The following SPOCK1 variants were observed in gnomAD, a reference collection of about 807,000 sequenced individuals.
The protein encoded by SPOCK1 is testican-1.
Under a neutral mutation model 55.3 loss-of-function variants are expected in SPOCK1, and 23 were observed. That is an observed-to-expected ratio of 0.42 (90% CI 0.30 to 0.59). The LOEUF is 0.59. Among genes scored for constraint, SPOCK1 ranks in the 20% least tolerant of loss-of-function variants. SPOCK1 has a pLI of 0.22. For synonymous variants in SPOCK1, 226 were observed against 221.0 expected (o/e 1.02, Z -0.20); for missense variants, 499 against 552.5 (o/e 0.90, Z 0.97).
rs765956928 is a variant in SPOCK1 at position 136,985,551 on chromosome 5, A to G, written c.929-349T>C. Among the ~76,000 whole-genome samples, 159 of 152,164 alleles carry G rather than the reference A, an allele frequency of 1.0e-3. 5 individuals carry two copies. Among genetic ancestry groups the G allele is most frequent in the Middle Eastern group, 3.2e-3 (1 of 314 alleles). On this transcript the variant is annotated intron_variant, in intron 8 of 10. Transcript: ENST00000394945. ...ATCAGCCAAGGCTTATTAGTGGGGA[A>G]GTGTTCTGAATCCACAGACGAACTA...
At chr5:137,035,939 A>T (rs748700321) in intron 6 of SPOCK1, among the ~76,000 whole-genome samples, 1 of 152,166 alleles carries the variant, frequency 6.6e-6, no homozygotes, top group African/African-American at 2.4e-5. Flanking sequence ...TTAACCAGGG[A>T]TTGAGGCAGA....
chr5:137,367,677 C>T (rs1751104333), intron 2 of SPOCK1, among the ~76,000 whole-genome samples: 1 of 152,198 alleles, frequency 6.6e-6, no homozygotes, highest in Admixed American at 6.5e-5. Flanking sequence ...TTAATGCTGA[C>T]CCACATAAAC....
chr5:137,289,744 C>G (rs371484122), intron 2 of SPOCK1, among the ~76,000 whole-genome samples: 5 of 152,212 alleles, frequency 3.3e-5, no homozygotes, highest in African/African-American at 1.2e-4. Flanking sequence ...AAAGCCAAGC[C>G]ACATAGTGAG....
At chr5:137,296,710 G>A (rs763015588) in intron 2 of SPOCK1, among the ~76,000 whole-genome samples, 27 of 152,226 alleles carry the variant, frequency 1.8e-4, no homozygotes, top group African/African-American at 2.6e-4. Flanking sequence ...GGAGATGTCC[G>A]GACTAGCATA....
intron 6 of SPOCK1, among the ~76,000 whole-genome samples, chr5:137,058,122 G>T (rs534856206): frequency 3.3e-5 from 5 of 152,344 alleles, no homozygotes; most frequent in African/African-American, 4.8e-5. Flanking sequence ...TTAGCTTAAA[G>T]TGTGCGGATG....
intron 2 of SPOCK1, among the ~76,000 whole-genome samples, chr5:137,389,971 G>C (rs1301701626): frequency 6.6e-6 from 1 of 152,084 alleles, no homozygotes. Context: ...ACAGTGTCCT[G>C]TCCACTCTGG....
chr5:137,029,006 G>C (rs1016809579), intron 6 of SPOCK1, among the ~76,000 whole-genome samples: 3 of 151,910 alleles, frequency 2.0e-5, no homozygotes, highest in African/African-American at 4.8e-5. Flanking sequence ...GGGTGGTGGT[G>C]GGGGGCTGCC....
intron 2 of SPOCK1, among the ~76,000 whole-genome samples, chr5:137,361,778 G>GA (rs551165286): frequency 1.4e-3 from 215 of 152,158 alleles, no homozygotes; most frequent in African/African-American, 4.8e-3. Context: ...AAATTACTGA[G>GA]AAAAAAACTT....
chr5:137,281,525 AG>A (rs1368688462), intron 2 of SPOCK1, among the ~76,000 whole-genome samples: 4 of 152,264 alleles, frequency 2.6e-5, no homozygotes, highest in African/African-American at 9.6e-5. Flanking sequence ...AAGAAATGAA[AG>A]ATCTGAAATA....
intron 4 of SPOCK1, among the ~76,000 whole-genome samples, chr5:137,136,701 A>G (rs1249867408): frequency 6.6e-6 from 1 of 152,188 alleles, no homozygotes; most frequent in Non-Finnish European, 1.5e-5. Flanking sequence ...ATTAAAAATT[A>G]TTTTAAAGTA....
intron 3 of SPOCK1, among the ~76,000 whole-genome samples, chr5:137,210,273 G>A (rs181005814): frequency 5.1e-4 from 77 of 152,238 alleles, no homozygotes; most frequent in African/African-American, 1.8e-3. Context: ...CAAGTTTTAC[G>A]TGAATTCATC....
Position 137,252,834 on chromosome 5 carries a change from C to T in SPOCK1, c.232+14176G>A, listed in dbSNP as rs117269078. On this transcript the variant is annotated intron_variant, in intron 3 of 10. Coordinates refer to ENST00000394945, the MANE Select transcript of SPOCK1 (RefSeq NM_004598.4). Reference sequence around the variant, plus strand: ...GAAGACAGGAATCCCTAAGAGCATGCCCTTTGGGGCTGTGGCATGGATCTG... The same window carrying T: ...GAAGACAGGAATCCCTAAGAGCATGTCCTTTGGGGCTGTGGCATGGATCTG... Among the ~76,000 whole-genome samples the T allele has an allele frequency of 7.2e-4, 110 of 152,258 alleles. 1 individual carries two copies. The East Asian group carries it at 0.013, about 18-fold the overall frequency.
At chr5:137,313,463 C>A in intron 2 of SPOCK1, 1 of 985,444 alleles carries the variant, frequency 1.0e-6, no homozygotes, top group African/African-American at 1.7e-5. Context: ...ATCATCAGGG[C>A]ACAGGCCGGG....
chr5:136,980,354 A>G (rs1442849024), intron 9 of SPOCK1, among the ~76,000 whole-genome samples: 1 of 152,144 alleles, frequency 6.6e-6, no homozygotes, highest in African/African-American at 2.4e-5. Context: ...TTTTAACAAG[A>G]TGGATTACTA....
intron 6 of SPOCK1, among the ~76,000 whole-genome samples, chr5:137,054,193 CCTAT>C (rs1561592349): frequency 6.6e-6 from 1 of 152,130 alleles, no homozygotes; most frequent in Non-Finnish European, 1.5e-5. Flanking sequence ...ACAAGATAGG[CCTAT>C]CTATCTGTTT....
chr5:137,123,625 G>C (rs532828430), intron 4 of SPOCK1, among the ~76,000 whole-genome samples: 16 of 152,180 alleles, frequency 1.1e-4, no homozygotes, highest in African/African-American at 1.4e-4. Flanking sequence ...AAGTTATCAA[G>C]AAAAAGCCTT....
chr5:137,361,074 G>GT (rs1365456846), intron 2 of SPOCK1, among the ~76,000 whole-genome samples: 1 of 152,158 alleles, frequency 6.6e-6, no homozygotes, highest in Non-Finnish European at 1.5e-5. Flanking sequence ...AGGGATTTGT[G>GT]TCCTTATAAG....
chr5:137,150,557 A>G (rs1361943882), intron 3 of SPOCK1, among the ~76,000 whole-genome samples: 2 of 152,128 alleles, frequency 1.3e-5, no homozygotes, highest in African/African-American at 4.8e-5. Context: ...GAGGCTAGAA[A>G]AAAAGAAGAG....
At chr5:137,444,186 A>G (rs989812167) in intron 2 of SPOCK1, among the ~76,000 whole-genome samples, 4 of 152,012 alleles carry the variant, frequency 2.6e-5, no homozygotes, top group African/African-American at 9.7e-5. Context: ...CCCCTGTGTC[A>G]TGCTCTTCCC....
Sources: gnomAD v4.1 joint callset for allele counts (sites outside exome capture counted in the v4.1 genomes callset) on GRCh38, gnomAD v4.1.1 for gene constraint, MANE v1.5 for transcripts, NCBI Gene and HGNC (gene_info 2026-07-23, HGNC 2026-07-21) for gene names.